Variants in RAP1GAP observed in about 807,000 individuals in gnomAD.
RAP1GAP encodes the protein RAP1 GTPase activating protein.
RAP1GAP carries 35 observed loss-of-function variants against 87.2 expected under a neutral mutation model. That is an observed-to-expected ratio of 0.40 (90% CI 0.31 to 0.53). The LOEUF is 0.53. RAP1GAP is among the 20% of genes least tolerant of loss of function. The pLI, the probability that RAP1GAP is intolerant of heterozygous loss-of-function variation, is 0.48. For synonymous variants in RAP1GAP, 375 were observed against 363.9 expected, an observed-to-expected ratio of 1.03 and a Z score of -0.35; for missense variants, 734 against 898.9, an observed-to-expected ratio of 0.82 and a Z score of 2.35.
rs1296170071 is a variant in RAP1GAP at position 21,617,256 on chromosome 1, T to A, written c.291+50A>T. ...CTCCCAGGCCCACCTCGAATGGGGC[T>A]GAACTGTGACCCACCCCAGCCAGCC... On this transcript the variant is annotated intron_variant, in intron 7 of 24. Transcript: ENST00000374765. 8 of 1,542,064 alleles carry A rather than the reference T, an allele frequency of 5.2e-6. No individual in the cohort carries two copies. The East Asian group carries it at 1.5e-4, about 28-fold the overall frequency.
At chr1:21,651,391 C>T (rs773769009) in intron 1 of RAP1GAP, 2 of 532,192 alleles carry the variant, frequency 3.8e-6, no homozygotes, top group Non-Finnish European at 7.6e-6. Flanking sequence ...CTCCCACATA[C>T]CTATACATGT....
At chr1:21,655,993 C>T (rs549325776) in intron 1 of RAP1GAP, among the ~76,000 whole-genome samples, 5 of 152,364 alleles carry the variant, frequency 3.3e-5, no homozygotes. Flanking sequence ...ATATCTGCCC[C>T]AGGCCTCTTG....
At chr1:21,641,074 A>ATTTTTTTTTTTTTTT (rs546229041) in intron 2 of RAP1GAP, among the ~76,000 whole-genome samples, 1 of 132,110 alleles carries the variant, frequency 7.6e-6, no homozygotes, top group Admixed American at 7.7e-5. Flanking sequence ...CGCCCAGCTA[A>ATTTTTTTTTTTTTTT]TTTTTTTTTT....
chr1:21,619,865 C>T, intron 4 of RAP1GAP, 150 bp downstream of exon 4: 1 of 809,364 alleles, frequency 1.2e-6, no homozygotes, highest in Non-Finnish European at 2.0e-6. Flanking sequence ...GACCTCCAGA[C>T]AGAGGACCCT....
rs780726794 is a variant in RAP1GAP, at chr1:21,611,476, T to C, written c.819A>G (p.Pro273=). 1.2e-6 allele frequency: 2 copies of C among 1,614,142 alleles called. No individual in the cohort carries two copies. The highest frequency in any genetic ancestry group is 1.7e-5 in the Admixed American group (1 of 60,020). The part of the protein sequence containing the change: ...EIMFHVSTKL[P]YTEGDAQQLQ... The stretch of plus-strand genomic sequence containing the variant: ...CCTGCTGGGCGTCCCCTTCCGTGTA[T>C]GGCAGCTTGGTGGACACGTGAAACA... Residue 273 remains proline (P), a synonymous_variant, in exon 13 of 25, where the codon CCA becomes CCG. Transcript: ENST00000374765.
chr1:21,659,300 G>C (rs1015938814), intron 1 of RAP1GAP, among the ~76,000 whole-genome samples: 1 of 152,202 alleles, frequency 6.6e-6, no homozygotes, highest in Non-Finnish European at 1.5e-5. Flanking sequence ...TGCAGGCGAC[G>C]GCCGCCCGGG....
chr1:21,613,305 G>A lies in RAP1GAP; in HGVS notation c.475-76C>T. On this transcript the variant is annotated intron_variant, in intron 9 of 24. Coordinates refer to ENST00000374765, the MANE Select transcript of RAP1GAP (RefSeq NM_002885.4). The surrounding 1 kb of genome is among the most constrained non-coding windows in gnomAD (Gnocchi z 4.7). ...GGATGGGGCTGCCTGGGCCTCCCTG[G>A]TCAAGGTCTGGGGAGGAGCCATGCT... 7.4e-7 allele frequency: 1 copy of A among 1,353,898 alleles called. No homozygotes were observed. Among genetic ancestry groups the A allele is most frequent in the Non-Finnish European group, 1.1e-6 (1 of 944,726 alleles). The allele number at this position is 1,353,898 out of a possible 1,614,324, so 83.9% of individuals were successfully genotyped here. A position where few individuals can be genotyped will look rare whatever the true frequency, so the allele number is the denominator to read the frequency against.
chr1:21,597,636 C>T, intron 24 of RAP1GAP, 50 bp downstream of exon 24: 2 of 1,492,350 alleles, frequency 1.3e-6, no homozygotes, highest in Non-Finnish European at 1.8e-6. Flanking sequence ...CAGCCCTCTA[C>T]ACACCCCCAC....
chr1:21,651,662 G>A (rs1371156622), intron 1 of RAP1GAP: 1 of 1,053,426 alleles, frequency 9.5e-7, no homozygotes, highest in East Asian at 2.8e-5. Flanking sequence ...AGCCCCCACA[G>A]CAGTCATAGC....
At chr1:21,633,959 G>A (rs2094259848) in intron 2 of RAP1GAP, among the ~76,000 whole-genome samples, 1 of 151,994 alleles carries the variant, frequency 6.6e-6, no homozygotes, top group Admixed American at 6.5e-5. Context: ...GGGCTGGGGG[G>A]CTGCCAGAGC....
intron 2 of RAP1GAP, among the ~76,000 whole-genome samples, chr1:21,635,485 G>C (rs748030065): frequency 2.0e-5 from 3 of 152,142 alleles, no homozygotes; most frequent in Non-Finnish European, 4.4e-5. Flanking sequence ...GGGTGAACCA[G>C]GCCTCCCCAG....
chr1:21,635,151 C>T (rs1411673961), intron 2 of RAP1GAP, among the ~76,000 whole-genome samples: 7 of 152,162 alleles, frequency 4.6e-5, no homozygotes, highest in Non-Finnish European at 4.4e-5. Flanking sequence ...CCCACGTCCA[C>T]GCAGGACACA....
In RAP1GAP at chr1:21,603,506, T is replaced by A; in HGVS notation, c.1429-593A>T. ...GAGGAGTCAGGGCAGAGGAGAGGGA[T>A]GGCGCTCCATGCAGACCGGCGATAT... is the stretch of plus-strand genomic sequence containing the variant. On this transcript the variant is annotated intron_variant, in intron 18 of 24. Transcript: ENST00000374765. This position sits in a 1 kb window ranked among gnomAD's most constrained non-coding sequence, Gnocchi z 6.0. The A allele has an allele frequency of 5.0e-6, 3 of 597,282 alleles. No individual in the cohort carries two copies. The South Asian group carries it at 5.9e-5, about 12-fold the overall frequency. 37.0% of individuals were successfully genotyped at this position (597,282 alleles called of 1,614,324 possible).
intron 16 of RAP1GAP, 54 bp from the exon 17 acceptor site, chr1:21,608,404 C>T: frequency 1.9e-6 from 3 of 1,582,520 alleles, no homozygotes; most frequent in Non-Finnish European, 2.6e-6. Flanking sequence ...GCCCTTCGGC[C>T]CACAGTTCAA....
At chr1:21,666,751 A>G (rs2097364802) in intron 1 of RAP1GAP, among the ~76,000 whole-genome samples, 1 of 151,186 alleles carries the variant, frequency 6.6e-6, no homozygotes, top group South Asian at 2.1e-4. Context: ...GGGTGGGTGC[A>G]TGTGCGTGTC....
At chr1:21,637,159 T>G (rs2094882769) in intron 2 of RAP1GAP, among the ~76,000 whole-genome samples, 1 of 150,216 alleles carries the variant, frequency 6.7e-6, no homozygotes, top group South Asian at 2.1e-4. Flanking sequence ...TTTTTTTTTT[T>G]TTTTGGTGGT....
chr1:21,598,327 C>G, intron 22 of RAP1GAP, 73 bp downstream of exon 22: 1 of 1,365,598 alleles, frequency 7.3e-7, no homozygotes, highest in Non-Finnish European at 1.0e-6. Flanking sequence ...GGCATGGGAA[C>G]TGGTGCCCAG....
At chr1:21,632,625 C>A (rs1225669356) in intron 2 of RAP1GAP, among the ~76,000 whole-genome samples, 1 of 152,212 alleles carries the variant, frequency 6.6e-6, no homozygotes, top group East Asian at 1.9e-4. Flanking sequence ...TCAGCCCAGG[C>A]TCAGTGGTTC....
chr1:21,612,234 G>T, intron 10 of RAP1GAP, 125 bp from the exon 11 acceptor site: 1 of 758,110 alleles, frequency 1.3e-6, no homozygotes, highest in Non-Finnish European at 2.3e-6. Context: ...CTCAGAACAA[G>T]CCTGGGAGGG....
Sources: gnomAD v4.1 joint callset for allele counts (sites outside exome capture counted in the v4.1 genomes callset) on GRCh38, gnomAD v4.1.1 for gene constraint, Gnocchi (gnomAD v3.1) non-coding constraint, MANE v1.5 for transcripts, NCBI Gene and HGNC (gene_info 2026-07-23, HGNC 2026-07-21) for gene names.